Variants in SLC37A3 observed in about 807,000 individuals in gnomAD.
SLC37A3 encodes the protein solute carrier family 37 member 3.
Under a neutral mutation model 67.1 loss-of-function variants are expected in SLC37A3, and 51 were observed. The ratio of observed to expected loss-of-function variants is 0.76; its 90% confidence interval spans 0.61 to 0.96. The LOEUF is 0.96. Among genes scored for constraint, SLC37A3 ranks in the 40% least tolerant of loss-of-function variants. SLC37A3 has a pLI of 0.00. For missense variants in SLC37A3, 508 were observed against 603.0 expected, an observed-to-expected ratio of 0.84 and a Z score of 1.65; for synonymous variants, 214 against 231.4, an observed-to-expected ratio of 0.92 and a Z score of 0.68.
Position 140,335,003 on chromosome 7 carries a change from TG to T in SLC37A3, c.*408del, listed in dbSNP as rs1396597349. ...AAAATGCAATGATCTCTTCCATTTG[TG>T]GAACATACCACCAACACAAACCACG... is the stretch of plus-strand genomic sequence containing the variant. On this transcript the variant is annotated 3_prime_UTR_variant, in exon 15 of 15. Coordinates refer to ENST00000326232, the MANE Select transcript of SLC37A3 (RefSeq NM_207113.3). The T allele has an allele frequency of 6.2e-6, 3 of 480,886 alleles. No individual in the cohort carries two copies. The highest frequency in any genetic ancestry group is 1.1e-5 in the Non-Finnish European group (3 of 264,152). The allele number at this position is 480,886 out of a possible 1,614,324, so 29.8% of individuals were successfully genotyped here.
intron 6 of SLC37A3, among the ~76,000 whole-genome samples, chr7:140,357,874 G>A (rs569378942): frequency 5.4e-5 from 8 of 148,056 alleles, no homozygotes; most frequent in Admixed American, 1.4e-4. Flanking sequence ...CCGAGATCGC[G>A]CCATTGCAAT....
At chr7:140,363,710 AAAT>A (rs1248857657) in intron 5 of SLC37A3, among the ~76,000 whole-genome samples, 21 of 44,002 alleles carry the variant, frequency 4.8e-4, no homozygotes, top group Non-Finnish European at 1.0e-3. Context: ...ATAAATAAAA[AAAT>A]AAAAAAAAAA....
At chr7:140,376,596 C>G (rs999734383) in intron 3 of SLC37A3, among the ~76,000 whole-genome samples, 1 of 152,130 alleles carries the variant, frequency 6.6e-6, no homozygotes, top group Non-Finnish European at 1.5e-5. Flanking sequence ...ATGTTTATAA[C>G]AGAATAAGGG....
intron 1 of SLC37A3, among the ~76,000 whole-genome samples, chr7:140,389,919 G>A (rs905432932): frequency 3.3e-5 from 5 of 152,058 alleles, no homozygotes; most frequent in Non-Finnish European, 4.4e-5. Context: ...AACAGACCCC[G>A]TCTCTACAAC....
chr7:140,382,201 C>T (rs1445167758), intron 2 of SLC37A3, among the ~76,000 whole-genome samples: 4 of 152,022 alleles, frequency 2.6e-5, no homozygotes, highest in South Asian at 2.1e-4. Context: ...CCACTAACTA[C>T]AAGTAGCATT....
intron 1 of SLC37A3, among the ~76,000 whole-genome samples, chr7:140,390,161 TG>T (rs1333831783): frequency 2.6e-5 from 4 of 151,994 alleles, no homozygotes; most frequent in Non-Finnish European, 5.9e-5. Context: ...TACTGCAGAG[TG>T]GGCAGGGGAG....
intron 5 of SLC37A3, among the ~76,000 whole-genome samples, chr7:140,359,307 C>G (rs1361265337): frequency 1.3e-5 from 2 of 149,898 alleles, no homozygotes; most frequent in African/African-American, 4.9e-5. Flanking sequence ...CGTGCCACTG[C>G]ACTCCAGCCT....
rs540878917 is a variant in SLC37A3 at position 140,378,478 on chromosome 7, C to T, written c.198+1804G>A. Among the ~76,000 whole-genome samples the T allele has an allele frequency of 2.0e-5, 3 of 152,244 alleles. No homozygotes were observed. The South Asian group carries it at 6.2e-4, about 32-fold the overall frequency. ...CTGGGCCGGGAGCGGTGGCTCACAC[C>T]TGTAATCCCAGCACTTTGGGAAGCC... On this transcript the variant is annotated intron_variant, in intron 3 of 14. Transcript: ENST00000326232.
chr7:140,395,668 A>C (rs1487387049), intron 1 of SLC37A3, among the ~76,000 whole-genome samples: 3 of 152,108 alleles, frequency 2.0e-5, no homozygotes, highest in Non-Finnish European at 4.4e-5. Flanking sequence ...AGATCCCCCT[A>C]CTGCTCTCCA....
chr7:140,377,916 C>G (rs142436141), intron 3 of SLC37A3, among the ~76,000 whole-genome samples: 4 of 152,086 alleles, frequency 2.6e-5, no homozygotes, highest in South Asian at 2.1e-4. Flanking sequence ...ATGAGAGAGG[C>G]CTCTGGGAAG....
intron 1 of SLC37A3, among the ~76,000 whole-genome samples, chr7:140,384,443 G>A (rs1798370073): frequency 6.6e-6 from 1 of 152,120 alleles, no homozygotes; most frequent in Admixed American, 6.6e-5. Context: ...TGGGCATGTT[G>A]GCTCATGCCT....
At chr7:140,347,209 C>T (rs554016402) in intron 10 of SLC37A3, among the ~76,000 whole-genome samples, 1 of 149,738 alleles carries the variant, frequency 6.7e-6, no homozygotes, top group African/African-American at 2.5e-5. Flanking sequence ...CAAGATCGTG[C>T]CACTCCAGCG....
chr7:140,389,405 G>C (rs1187590040), intron 1 of SLC37A3, among the ~76,000 whole-genome samples: 2 of 152,066 alleles, frequency 1.3e-5, no homozygotes, highest in African/African-American at 2.4e-5. Flanking sequence ...AGAAGACAGA[G>C]AGAAAGACTC....
At chr7:140,354,388 A>C (rs568144522) in intron 7 of SLC37A3, among the ~76,000 whole-genome samples, 21 of 151,342 alleles carry the variant, frequency 1.4e-4, no homozygotes, top group Admixed American at 5.3e-4. Context: ...ACATGTTTTC[A>C]AACTTTTGGA....
chr7:140,382,586 A>G lies in SLC37A3; in HGVS notation c.-60T>C. ...AAGGTTTGGATGAGTGATTTACATC[A>G]TTTCTTCCTTCTGGAAAGACAAAAC... On this transcript the variant is annotated 5_prime_UTR_variant, in exon 2 of 15. An upstream start codon of the reference 5' UTR is lost. Transcript: ENST00000326232. 7.0e-7 allele frequency: 1 copy of G among 1,433,058 alleles called. No individual in the cohort carries two copies. Among genetic ancestry groups the G allele is most frequent in the Non-Finnish European group, 9.8e-7 (1 of 1,020,388 alleles). The allele number at this position is 1,433,058 out of a possible 1,614,324, so 88.8% of individuals were successfully genotyped here.
At chr7:140,377,325 A>C (rs1798073958) in intron 3 of SLC37A3, among the ~76,000 whole-genome samples, 2 of 151,714 alleles carry the variant, frequency 1.3e-5, no homozygotes, top group African/African-American at 2.4e-5. Context: ...TAGGCCTCCC[A>C]AAGTGGTGGG....
intron 5 of SLC37A3, among the ~76,000 whole-genome samples, chr7:140,360,207 A>G (rs80095381): frequency 0.036 from 5,438 of 152,288 alleles, 143 homozygotes; most frequent in Non-Finnish European, 0.052. Context: ...TTAGCTAAGC[A>G]TGATGGTACA....
chr7:140,364,045 C>T (rs1221090146), intron 5 of SLC37A3, among the ~76,000 whole-genome samples: 1 of 152,046 alleles, frequency 6.6e-6, no homozygotes, highest in African/African-American at 2.4e-5. Context: ...TCACCTGAGG[C>T]CAGGAGATAA....
chr7:140,350,493 G>A (rs777579444), intron 9 of SLC37A3, among the ~76,000 whole-genome samples: 17 of 151,850 alleles, frequency 1.1e-4, no homozygotes, highest in African/African-American at 1.4e-4. Context: ...AGCCAGGCGC[G>A]GTGGCTCACG....
Sources: allele counts gnomAD v4.1 joint callset (sites outside exome capture counted in the v4.1 genomes callset), GRCh38; gene constraint gnomAD v4.1.1; transcripts MANE v1.5; gene names NCBI Gene and HGNC (gene_info 2026-07-23, HGNC 2026-07-21).